ABCA13: variants seen among roughly 807,000 people sequenced by gnomAD.
ABCA13 encodes the protein ATP-binding cassette sub-family A member 13.
A neutral mutation model predicts 478.7 loss-of-function variants in ABCA13; 476 were observed. The observed-to-expected ratio is 0.99, with a 90% CI of 0.92 to 1.07. The LOEUF is 1.07. ABCA13 is among the 50% of genes least tolerant of loss of function. ABCA13 has a pLI of 0.00. For synonymous variants in ABCA13, 2,252 were observed against 2,158.9 expected, an observed-to-expected ratio of 1.04 and a Z score of -1.20; for missense variants, 6,060 against 5,910.6, an observed-to-expected ratio of 1.03 and a Z score of -0.83.
intron 55 of ABCA13, among the ~76,000 whole-genome samples, chr7:48,559,829 C>T (rs1036637048): frequency 1.3e-5 from 2 of 152,264 alleles, no homozygotes; most frequent in African/African-American, 2.4e-5. Context: ...AATGTCATCC[C>T]GGAGCAAAGG....
intron 55 of ABCA13, among the ~76,000 whole-genome samples, chr7:48,576,199 C>T (rs1268983921): frequency 1.3e-5 from 2 of 152,068 alleles, no homozygotes; most frequent in South Asian, 4.1e-4. Flanking sequence ...AGACCCACCC[C>T]CCATGGATAT....
chr7:48,419,039 G>A (rs1820399245), intron 41 of ABCA13, among the ~76,000 whole-genome samples: 1 of 152,166 alleles, frequency 6.6e-6, no homozygotes, highest in Non-Finnish European at 1.5e-5. Flanking sequence ...GCAGGAGCAG[G>A]ACCAAGAGAG....
chr7:48,537,764 A>G (rs551784949), intron 55 of ABCA13, among the ~76,000 whole-genome samples: 1 of 151,982 alleles, frequency 6.6e-6, no homozygotes, highest in Non-Finnish European at 1.5e-5. Flanking sequence ...GACTCAGGAC[A>G]GAGCAGGTGA....
In ABCA13 at chr7:48,588,499, C is replaced by T. The variant is rs574811844; in HGVS notation, c.14640+1211C>T. 2.0e-5 allele frequency among the ~76,000 whole-genome samples: 3 copies of T among 152,320 alleles called. No individual in the cohort carries two copies. In the East Asian group the frequency reaches 5.8e-4, roughly 29 times the overall value. ...CTTTTCTTTGATACATCCTTGCTCT[C>T]AGCTTTCCTTGGATGCCCAAACCTG... On this transcript the variant is annotated intron_variant, in intron 57 of 61. Coordinates refer to ENST00000435803, the MANE Select transcript of ABCA13 (RefSeq NM_152701.5).
intron 15 of ABCA13, among the ~76,000 whole-genome samples, chr7:48,251,312 G>A (rs1230873186): frequency 6.6e-6 from 1 of 152,190 alleles, no homozygotes; most frequent in Non-Finnish European, 1.5e-5. Flanking sequence ...CAGGCTTGTG[G>A]TTCAGAAGTC....
intron 55 of ABCA13, among the ~76,000 whole-genome samples, chr7:48,570,880 T>C (rs752906053): frequency 6.6e-6 from 1 of 152,190 alleles, no homozygotes; most frequent in East Asian, 1.9e-4. Context: ...CATTCCTCTG[T>C]TCTTCTATTA....
intron 55 of ABCA13, among the ~76,000 whole-genome samples, chr7:48,538,806 G>A (rs1833769214): frequency 6.6e-6 from 1 of 151,930 alleles, no homozygotes; most frequent in Non-Finnish European, 1.5e-5. Flanking sequence ...GTTTAATCTT[G>A]CATGTTTGTA....
chr7:48,512,716 A>C (rs1188892010), intron 51 of ABCA13, among the ~76,000 whole-genome samples: 1 of 152,022 alleles, frequency 6.6e-6, no homozygotes, highest in Non-Finnish European at 1.5e-5. Flanking sequence ...AGTTGTTTTG[A>C]TTGTGAAACC....
At position 48,279,059 on chromosome 7, in the gene ABCA13, T is replaced by C; in HGVS notation, c.7865T>C (p.Leu2622Pro). 1.9e-6 allele frequency: 3 copies of C among 1,613,112 alleles called. No individual in the cohort carries two copies. Among genetic ancestry groups the C allele is most frequent in the African/African-American group, 2.7e-5 (2 of 75,052 alleles). Residue 2622 changes from leucine (L) to proline (P), a missense_variant, in exon 18 of 62, where the codon CTC (leucine) becomes CCC (proline). Physicochemically the swap from Leu to Pro is moderately conservative, Grantham distance 98. This residue lies in a region of ABCA13 where 4,423 missense variants were observed against 4,309.1 expected (regional missense o/e 1.03). Coordinates refer to ENST00000435803, the MANE Select transcript of ABCA13 (RefSeq NM_152701.5). ...SDIFSMSPSI[L>P]SYMNQSKDFS... ...ATTTTCAGTATGTCACCTAGCATAC[T>C]CTCATATATGAACCAATCTAAGGAC... is the stretch of plus-strand genomic sequence containing the variant.
rs6953360 is a variant in ABCA13 at position 48,425,959 on chromosome 7, T to G, written c.12460-1807T>G. ...GGTTTCACTGTGTTAGCCAGGATGG[T>G]CTCGATCTCCTGACCTCGTGATCCG... On this transcript the variant is annotated intron_variant, in intron 41 of 61. Coordinates refer to ENST00000435803, the MANE Select transcript of ABCA13 (RefSeq NM_152701.5). 4.6e-3 allele frequency among the ~76,000 whole-genome samples: 699 copies of G among 152,154 alleles called. 3 individuals carry two copies. Among genetic ancestry groups the G allele is most frequent in the African/African-American group, 0.016 (680 of 41,536 alleles).
chr7:48,436,000 C>T (rs1394955074), intron 42 of ABCA13, among the ~76,000 whole-genome samples: 2 of 147,998 alleles, frequency 1.4e-5, no homozygotes, highest in Non-Finnish European at 3.0e-5. Flanking sequence ...GTTCCTTTGG[C>T]TTCATAACTC....
chr7:48,645,839 A>G lies in ABCA13; in HGVS notation c.*327A>G. 3.5e-6 allele frequency: 1 copy of G among 288,812 alleles called. No individual in the cohort carries two copies. The highest frequency in any genetic ancestry group is 6.5e-6 in the Non-Finnish European group (1 of 153,138). 17.9% of individuals were successfully genotyped at this position (288,812 alleles called of 1,614,324 possible). A position where few individuals can be genotyped will look rare whatever the true frequency, so the allele number is the denominator to read the frequency against. ...ACATTCTGGAGCTGGAAAGCCTGTC[A>G]CACTAGAGTGTGTGTGACATGTCCA... On this transcript the variant is annotated 3_prime_UTR_variant, in exon 62 of 62. Coordinates refer to ENST00000435803, the MANE Select transcript of ABCA13 (RefSeq NM_152701.5).
At chr7:48,410,149 T>C (rs545846957) in intron 39 of ABCA13, among the ~76,000 whole-genome samples, 1 of 146,072 alleles carries the variant, frequency 6.8e-6, no homozygotes, top group Admixed American at 6.9e-5. Context: ...AGGAGAGAGA[T>C]AACCACCCAG....
At chr7:48,238,467 CT>C (rs34705800) in intron 8 of ABCA13, among the ~76,000 whole-genome samples, 48,297 of 144,800 alleles carry the variant, frequency 0.33, 8,042 homozygotes, top group Middle Eastern at 0.43. Context: ...TGTTGAAGTT[CT>C]TTTTTTTTTT....
At chr7:48,521,928 A>G (rs59965341) in intron 53 of ABCA13, among the ~76,000 whole-genome samples, 10,188 of 150,980 alleles carry the variant, frequency 0.067, 443 homozygotes, top group African/African-American at 0.11. Flanking sequence ...CCCAGATCTA[A>G]CTAAGCCACT....
chr7:48,199,099 T>C (rs1265744392), intron 3 of ABCA13, among the ~76,000 whole-genome samples: 2 of 152,220 alleles, frequency 1.3e-5, no homozygotes, highest in Admixed American at 1.3e-4. Context: ...ATTTAATCTA[T>C]ATTTACTAAT....
At chr7:48,344,166 A>T (rs1234126439) in intron 29 of ABCA13, among the ~76,000 whole-genome samples, 1 of 152,120 alleles carries the variant, frequency 6.6e-6, no homozygotes, top group Non-Finnish European at 1.5e-5. Context: ...CCTCTAAGGG[A>T]TGTGTGGTTA....
At chr7:48,185,979 T>G (rs549479694) in intron 1 of ABCA13, among the ~76,000 whole-genome samples, 3 of 152,134 alleles carry the variant, frequency 2.0e-5, no homozygotes, top group African/African-American at 7.2e-5. Flanking sequence ...TTGATAAGAA[T>G]GACAACTTTC....
chr7:48,464,655 C>T (rs1826670443), intron 43 of ABCA13, among the ~76,000 whole-genome samples: 1 of 152,032 alleles, frequency 6.6e-6, no homozygotes, highest in South Asian at 2.1e-4. Flanking sequence ...CAGAAAGGGC[C>T]AGATTTAGGG....
Sources: gnomAD v4.1 joint callset for allele counts (sites outside exome capture counted in the v4.1 genomes callset) on GRCh38, gnomAD v4.1.1 for gene constraint, gnomAD v4.1.1 regional missense constraint, MANE v1.5 for transcripts, NCBI Gene and HGNC (gene_info 2026-07-23, HGNC 2026-07-21) for gene names.